The following ADGRG6 variants were observed in gnomAD, a reference collection of about 807,000 sequenced individuals.
ADGRG6 encodes G-protein coupled receptor 126.
A neutral mutation model predicts 142.4 loss-of-function variants in ADGRG6; 84 were observed. The ratio of observed to expected loss-of-function variants is 0.59; its 90% CI spans 0.49 to 0.71. The LOEUF (loss-of-function observed/expected upper bound fraction) is 0.71. Ranked by LOEUF, ADGRG6 falls within the 30% of genes least tolerant of loss-of-function variation. The probability of loss-of-function intolerance (pLI) is 0.00; values close to 1 mark genes in which losing one functional copy is unlikely to be tolerated. For synonymous variants in ADGRG6, 521 were observed against 520.5 expected (o/e 1.00, Z -0.01); for missense variants, 1,367 against 1,466.6 (o/e 0.93, Z 1.11).
At chr6:142,415,190 A>C in intron 19 of ADGRG6, 94 bp downstream of exon 19, 1 of 813,344 alleles carries the variant, frequency 1.2e-6, no homozygotes, top group Non-Finnish European at 1.8e-6. Context: ...TATACACTGT[A>C]GGGTGGTTGA....
intron 2 of ADGRG6, among the ~76,000 whole-genome samples, chr6:142,356,270 A>G (rs1329124215): frequency 6.6e-6 from 1 of 152,212 alleles, no homozygotes; most frequent in Non-Finnish European, 1.5e-5. Context: ...ACCACACTCT[A>G]AATCTTCACA....
chr6:142,380,940 C>T (rs1781741977), intron 4 of ADGRG6, among the ~76,000 whole-genome samples: 1 of 152,208 alleles, frequency 6.6e-6, no homozygotes, highest in Non-Finnish European at 1.5e-5. Flanking sequence ...ACAAGAGCTT[C>T]TTGCCAGTCA....
chr6:142,334,527 C>G (rs1023507332), intron 2 of ADGRG6, among the ~76,000 whole-genome samples: 2 of 152,178 alleles, frequency 1.3e-5, no homozygotes, highest in African/African-American at 2.4e-5. Context: ...GGAAGTATGT[C>G]TTGGCCCAGA....
intron 2 of ADGRG6, among the ~76,000 whole-genome samples, chr6:142,355,690 A>G (rs1780408715): frequency 1.3e-5 from 2 of 152,066 alleles, no homozygotes; most frequent in Admixed American, 1.3e-4. Flanking sequence ...AACATGCTGC[A>G]CTGTGTGCCC....
At chr6:142,362,796 T>C (rs1583037515) in intron 2 of ADGRG6, among the ~76,000 whole-genome samples, 1 of 152,304 alleles carries the variant, frequency 6.6e-6, no homozygotes, top group Non-Finnish European at 1.5e-5. Context: ...TCTGGAGAAA[T>C]GGTATGTGGC....
chr6:142,347,356 C>G (rs1012294829), intron 2 of ADGRG6, among the ~76,000 whole-genome samples: 1 of 152,148 alleles, frequency 6.6e-6, no homozygotes, highest in Non-Finnish European at 1.5e-5. Flanking sequence ...GACTATCTCT[C>G]TACTTGGGAA....
intron 18 of ADGRG6, among the ~76,000 whole-genome samples, chr6:142,413,043 A>ATATATATATG (rs1429939451): frequency 1.3e-5 from 2 of 151,748 alleles, no homozygotes; most frequent in Non-Finnish European, 2.9e-5. Flanking sequence ...ATATATATAT[A>ATATATATATG]TGTGAAGATA....
At chr6:142,340,039 T>C (rs115055876) in intron 2 of ADGRG6, among the ~76,000 whole-genome samples, 46 of 152,294 alleles carry the variant, frequency 3.0e-4, no homozygotes, top group African/African-American at 1.1e-3. Context: ...CCCCATTTAA[T>C]AAAGTTAACT....
chr6:142,405,556 G>T, intron 14 of ADGRG6, 132 bp from the exon 15 acceptor site: 1 of 720,404 alleles, frequency 1.4e-6, no homozygotes. Context: ...GACTACTGTA[G>T]ATACAAAGGG....
chr6:142,325,448 A>G (rs1294923881), intron 2 of ADGRG6, among the ~76,000 whole-genome samples: 1 of 152,286 alleles, frequency 6.6e-6, no homozygotes, highest in African/African-American at 2.4e-5. Context: ...TTTTAGCTAT[A>G]TTATGAGTTG....
At chr6:142,436,423 G>A (rs1456952222) in intron 22 of ADGRG6, among the ~76,000 whole-genome samples, 1 of 152,104 alleles carries the variant, frequency 6.6e-6, no homozygotes, top group African/African-American at 2.4e-5. Flanking sequence ...AGCAATATTG[G>A]AGTTGCCATC....
At chr6:142,336,172 G>C (rs1264838441) in intron 2 of ADGRG6, among the ~76,000 whole-genome samples, 3 of 152,138 alleles carry the variant, frequency 2.0e-5, no homozygotes, top group African/African-American at 7.2e-5. Context: ...TTCTCTCAAG[G>C]ATAAAGGCTT....
chr6:142,419,140 T>G (rs546823878), intron 21 of ADGRG6, among the ~76,000 whole-genome samples: 41 of 152,154 alleles, frequency 2.7e-4, no homozygotes, highest in Non-Finnish European at 5.4e-4. Context: ...TCACAACTAG[T>G]TGTGACTTAA....
chr6:142,361,214 T>C (rs1219978798), intron 2 of ADGRG6, among the ~76,000 whole-genome samples: 1 of 152,210 alleles, frequency 6.6e-6, no homozygotes, highest in Non-Finnish European at 1.5e-5. Flanking sequence ...ACAGATCCTC[T>C]TGGGAGAAGT....
At position 142,389,254 on chromosome 6, in the gene ADGRG6, A is replaced by AT. The variant is rs577794458; in HGVS notation, c.1223-995dup. ...GAAATTCCCAGAGGCAAACTTTTAC[A>AT]TTTTTTTTTCTACTGCCTCCCCACA... is the stretch of plus-strand genomic sequence containing the variant. On this transcript the variant is annotated intron_variant, in intron 6 of 24. Transcript: ENST00000367609. Among the ~76,000 whole-genome samples, 257 of 150,656 alleles carry AT rather than the reference A, an allele frequency of 1.7e-3. 1 individual carries two copies. The highest frequency in any genetic ancestry group is 3.1e-3 in the Non-Finnish European group (212 of 67,354).
intron 22 of ADGRG6, among the ~76,000 whole-genome samples, chr6:142,430,131 A>G (rs1216009316): frequency 6.6e-6 from 1 of 152,194 alleles, no homozygotes; most frequent in Non-Finnish European, 1.5e-5. Flanking sequence ...ACCAGTCATT[A>G]CTACCCACTC....
intron 2 of ADGRG6, among the ~76,000 whole-genome samples, chr6:142,318,530 G>A (rs564511681): frequency 1.0e-4 from 15 of 146,998 alleles, no homozygotes; most frequent in Non-Finnish European, 1.8e-4. Flanking sequence ...GGAGACTAAC[G>A]TGAGAAAAAA....
Position 142,437,438 on chromosome 6 carries a change from AT to A in ADGRG6, c.3327del (p.Phe1109LeufsTer9). The stretch of plus-strand genomic sequence containing the variant: ...TTATATTTTCTTTTGTCACAGGCTT[AT>A]TTATATTCATCTTCCACTGTGCTAT... ...FSIFNSLQGL[F>X]IFIFHCAMKE... On this transcript the variant is annotated frameshift_variant, in exon 23 of 25. Coordinates refer to ENST00000367609, the MANE Select transcript of ADGRG6 (RefSeq NM_198569.3). LOFTEE classifies it high-confidence loss of function. The A allele has an allele frequency of 1.4e-6, 2 of 1,459,136 alleles. No individual in the cohort carries two copies. Among genetic ancestry groups the A allele is most frequent in the Non-Finnish European group, 1.9e-6 (2 of 1,041,530 alleles). The allele number at this position is 1,459,136 out of a possible 1,614,324, so 90.4% of individuals were successfully genotyped here.
chr6:142,317,081 G>C (rs1430051234), intron 2 of ADGRG6, among the ~76,000 whole-genome samples: 1 of 152,098 alleles, frequency 6.6e-6, no homozygotes, highest in African/African-American at 2.4e-5. Context: ...AATAGGGTTT[G>C]TGGTTTTTCT....
Sources: gnomAD v4.1 joint callset for allele counts (sites outside exome capture counted in the v4.1 genomes callset) on GRCh38, gnomAD v4.1.1 for gene constraint, MANE v1.5 for transcripts, NCBI Gene and HGNC (gene_info 2026-07-23, HGNC 2026-07-21) for gene names.